USP34: variants seen among roughly 807,000 people sequenced by gnomAD.
The protein encoded by USP34 is ubiquitin carboxyl-terminal hydrolase 34.
USP34 carries 70 observed loss-of-function variants against 460.3 expected under a neutral mutation model. That is an observed-to-expected ratio of 0.15 (90% CI 0.13 to 0.19). The LOEUF is 0.19. USP34 is among the 10% of genes least tolerant of loss of function. The pLI is 1.00. For missense variants in USP34, 3,985 were observed against 4,236.2 expected (o/e 0.94, Z 1.65); for synonymous variants, 1,647 against 1,405.3 (o/e 1.17, Z -3.85).
chr2:61,431,950 C>T (rs1454424790), intron 1 of USP34, among the ~76,000 whole-genome samples: 3 of 152,040 alleles, frequency 2.0e-5, no homozygotes, highest in Non-Finnish European at 4.4e-5. Context: ...ACAATAATTA[C>T]CCCAATTTGA....
At position 61,380,111 on chromosome 2, in the gene USP34, T is replaced by G. The variant is rs527254305; in HGVS notation, c.1014+58A>C. ...AGTGCTCCATAAATAGTGGGTAGTA[T>G]TATGATAGACCAGAAAACAAATAAA... On this transcript the variant is annotated intron_variant, in intron 7 of 79. Transcript: ENST00000398571. 4.4e-5 allele frequency: 67 copies of G among 1,508,714 alleles called. 1 individual carries two copies. The South Asian group carries it at 7.8e-4, about 17-fold the overall frequency. 93.5% of individuals were successfully genotyped at this position (1,508,714 alleles called of 1,614,324 possible). A position where few individuals can be genotyped will look rare whatever the true frequency, so the allele number is the denominator to read the frequency against.
intron 3 of USP34, among the ~76,000 whole-genome samples, chr2:61,403,474 T>C (rs1340222199): frequency 1.3e-5 from 2 of 152,180 alleles, no homozygotes; most frequent in Non-Finnish European, 2.9e-5. Context: ...GTAGATGGTG[T>C]TTATGTAGAT....
chr2:61,229,479 A>AAAC (rs1687828800), intron 59 of USP34, 69 bp downstream of exon 59: 2 of 804,170 alleles, frequency 2.5e-6, no homozygotes, highest in Non-Finnish European at 3.4e-6. Flanking sequence ...AAAAAAACAA[A>AAAC]AAAAAAAAAC....
At chr2:61,290,518 A>T (rs1572904272) in intron 33 of USP34, among the ~76,000 whole-genome samples, 1 of 152,144 alleles carries the variant, frequency 6.6e-6, no homozygotes, top group Admixed American at 6.5e-5. Context: ...ACATTTAACA[A>T]CCTCAAAAAG....
At chr2:61,343,491 T>C (rs974993253) in intron 16 of USP34, among the ~76,000 whole-genome samples, 2 of 152,238 alleles carry the variant, frequency 1.3e-5, no homozygotes, top group Non-Finnish European at 2.9e-5. Flanking sequence ...CCTATACTTT[T>C]AGGTCCTAGG....
At chr2:61,190,726 TACACAGAAAAA>T (rs1686614705) in intron 76 of USP34, 68 bp from the exon 77 acceptor site, 1 of 1,536,770 alleles carries the variant, frequency 6.5e-7, no homozygotes, top group African/African-American at 1.4e-5. Context: ...GGAAAAAACT[TACACAGAAAAA>T]ACATACACTT....
In USP34 at chr2:61,257,188, G is replaced by A. The variant is rs774347138; in HGVS notation, c.5991+16C>T. On this transcript the variant is annotated intron_variant, in intron 45 of 79. Coordinates refer to ENST00000398571, the MANE Select transcript of USP34 (RefSeq NM_014709.4). The stretch of plus-strand genomic sequence containing the variant: ...GTTCAAATTTCAAAGAAACTTTTCA[G>A]TATTCTGATACTAACCAGTTCGGGA... The A allele has an allele frequency of 2.5e-6, 4 of 1,591,694 alleles. 1 individual carries two copies. Among genetic ancestry groups the A allele is most frequent in the South Asian group, 2.3e-5 (2 of 86,316 alleles).
At chr2:61,460,579 TG>T (rs1695569800) in intron 1 of USP34, among the ~76,000 whole-genome samples, 1 of 152,156 alleles carries the variant, frequency 6.6e-6, no homozygotes, top group Non-Finnish European at 1.5e-5. Context: ...GCACTATCTG[TG>T]GTTTGAGGTA....
intron 5 of USP34, among the ~76,000 whole-genome samples, chr2:61,385,973 G>C (rs1437975763): frequency 2.7e-5 from 4 of 148,576 alleles, no homozygotes; most frequent in African/African-American, 7.5e-5. Context: ...CTCCAGCCTA[G>C]GTGACAAAGT....
chr2:61,320,974 C>T (rs922924824), intron 21 of USP34, among the ~76,000 whole-genome samples: 1 of 151,552 alleles, frequency 6.6e-6, no homozygotes, highest in South Asian at 2.1e-4. Context: ...CTCACCACTG[C>T]ACTCCATCCT....
chr2:61,310,819 T>G (rs1244450024), intron 27 of USP34, among the ~76,000 whole-genome samples: 1 of 152,036 alleles, frequency 6.6e-6, no homozygotes, highest in African/African-American at 2.4e-5. Context: ...TGAAAAAAAC[T>G]ATTGGGTTAA....
In USP34 at chr2:61,349,269, T is replaced by G. The variant is rs62623573; in HGVS notation, c.1524A>C (p.Arg508Ser). The G allele has an allele frequency of 9.5e-3, 15,403 of 1,613,326 alleles. 106 individuals carry two copies. Among genetic ancestry groups the G allele is most frequent in the Non-Finnish European group, 0.012 (13,722 of 1,179,668 alleles). The change falls in exon 13 of 80, where the codon AGA becomes AGC. Residue 508 changes from arginine (R) to serine (S), a missense_variant. Physicochemically the swap from Arg to Ser is moderately radical, Grantham distance 110 (BLOSUM62 -1). Coordinates refer to ENST00000398571, the MANE Select transcript of USP34 (RefSeq NM_014709.4). ...IGNKKEEEEL[R>S]RTAPSPWSPA... ...ACTTACAAGGTGATGGAGCTGTTCT[T>G]CTAAGCTCTTCTTCCTCTGAAGGAA... is the stretch of plus-strand genomic sequence containing the variant.
chr2:61,219,360 G>A (rs1687492736), intron 67 of USP34, among the ~76,000 whole-genome samples: 1 of 152,092 alleles, frequency 6.6e-6, no homozygotes, highest in African/African-American at 2.4e-5. Flanking sequence ...TTCTTTTACT[G>A]GAGAATGGTG....
At chr2:61,400,110 AT>A (rs70963424) in intron 3 of USP34, among the ~76,000 whole-genome samples, 72,270 of 141,632 alleles carry the variant, frequency 0.51, 18,123 homozygotes, top group South Asian at 0.72. Context: ...AGGAAAGGCA[AT>A]TTTTTTTTTT....
chr2:61,246,729 C>T (rs1296779174), intron 49 of USP34, among the ~76,000 whole-genome samples: 3 of 152,048 alleles, frequency 2.0e-5, no homozygotes, highest in Non-Finnish European at 4.4e-5. Context: ...CATCCTTAGC[C>T]TACTACCATA....
intron 62 of USP34, 122 bp from the exon 63 acceptor site, chr2:61,223,418 G>A: frequency 1.0e-6 from 1 of 998,098 alleles, no homozygotes; most frequent in Non-Finnish European, 1.4e-6. Context: ...ATCATAAAAT[G>A]ATTTTTTGCT....
chr2:61,252,980 C>T (rs1354263249), intron 48 of USP34, among the ~76,000 whole-genome samples: 3 of 152,084 alleles, frequency 2.0e-5, no homozygotes, highest in African/African-American at 7.2e-5. Flanking sequence ...GTTTAGAATG[C>T]TTTGTCAGTA....
chr2:61,286,617 T>C (rs1447445438), intron 34 of USP34, among the ~76,000 whole-genome samples: 1 of 152,062 alleles, frequency 6.6e-6, no homozygotes, highest in Non-Finnish European at 1.5e-5. Flanking sequence ...ATGGCGCCAG[T>C]GCACTTCAGC....
intron 41 of USP34, among the ~76,000 whole-genome samples, chr2:61,267,305 G>A (rs1160866847): frequency 3.3e-5 from 5 of 152,098 alleles, no homozygotes; most frequent in African/African-American, 9.7e-5. Context: ...CTTGAAAGAC[G>A]TACCAAAAAC....
Sources: gnomAD v4.1 joint callset for allele counts (sites outside exome capture counted in the v4.1 genomes callset) on GRCh38, gnomAD v4.1.1 for gene constraint, MANE v1.5 for transcripts, NCBI Gene and HGNC (gene_info 2026-07-23, HGNC 2026-07-21) for gene names.